NRG3: variants seen among roughly 807,000 people sequenced by gnomAD.
NRG3 encodes neuregulin 3.
A neutral mutation model predicts 66.9 loss-of-function variants in NRG3; 31 were observed. The observed-to-expected ratio is 0.46, with a 90% CI of 0.35 to 0.63. The LOEUF (loss-of-function observed/expected upper bound fraction) is 0.63, where lower values mean the gene tolerates loss of function less well. Ranked by LOEUF, NRG3 falls within the 20% of genes least tolerant of loss-of-function variation. The probability of loss-of-function intolerance (pLI) is 0.00; values close to 1 mark genes in which losing one functional copy is unlikely to be tolerated. For synonymous variants in NRG3, 393 were observed against 359.4 expected, an observed-to-expected ratio of 1.09 and a Z score of -1.06; for missense variants, 910 against 878.9, an observed-to-expected ratio of 1.04 and a Z score of -0.45.
chr10:82,468,764 T>A (rs999002826), intron 2 of NRG3, among the ~76,000 whole-genome samples: 1 of 152,128 alleles, frequency 6.6e-6, no homozygotes, highest in Non-Finnish European at 1.5e-5. Context: ...TTCAGTGTGA[T>A]TTAAAGAAGT....
intron 4 of NRG3, among the ~76,000 whole-genome samples, chr10:82,874,160 A>C (rs1377814527): frequency 6.6e-6 from 1 of 152,106 alleles, no homozygotes; most frequent in Admixed American, 6.6e-5. Flanking sequence ...CTCTTGTGTA[A>C]AGAAAATAGG....
At chr10:82,622,517 T>TC (rs1271227115) in intron 2 of NRG3, among the ~76,000 whole-genome samples, 2 of 152,180 alleles carry the variant, frequency 1.3e-5, no homozygotes, top group Admixed American at 1.3e-4. Flanking sequence ...GCCTCTAACT[T>TC]ATGACGGTTT....
At chr10:82,262,699 G>A (rs2078093189) in intron 1 of NRG3, among the ~76,000 whole-genome samples, 1 of 152,160 alleles carries the variant, frequency 6.6e-6, no homozygotes. Flanking sequence ...GGTCATAGGT[G>A]GGGATATTTT....
chr10:82,444,099 T>A lies in NRG3; in HGVS notation c.953+85231T>A, dbSNP rs181464118. On this transcript the variant is annotated intron_variant, in intron 2 of 8. Coordinates refer to ENST00000372141, the MANE Select transcript of NRG3 (RefSeq NM_001010848.4). Reference sequence around the variant, plus strand: ...TGTTCATTCTCTTAAAAAAAATTTGTTGTTTGTTTGTTTTTGTTTTTGAGA... The same window carrying A: ...TGTTCATTCTCTTAAAAAAAATTTGATGTTTGTTTGTTTTTGTTTTTGAGA... Among the ~76,000 whole-genome samples the A allele has an allele frequency of 3.9e-5, 6 of 152,264 alleles. No homozygotes were observed. In the East Asian group the frequency reaches 1.2e-3, roughly 29 times the overall value.
intron 1 of NRG3, among the ~76,000 whole-genome samples, chr10:82,260,831 C>T (rs749707412): frequency 1.3e-5 from 2 of 152,110 alleles, no homozygotes; most frequent in Non-Finnish European, 2.9e-5. Flanking sequence ...GTTGTACAGC[C>T]TTCATGTGGT....
chr10:82,813,211 C>CTGTTTCTCTT (rs368490850), intron 3 of NRG3, among the ~76,000 whole-genome samples: 1 of 112,156 alleles, frequency 8.9e-6, no homozygotes, highest in African/African-American at 3.4e-5. Context: ...CTCTGTTTCT[C>CTGTTTCTCTT]TTTTTTTTTT....
intron 1 of NRG3, among the ~76,000 whole-genome samples, chr10:82,153,442 T>TG (rs1554835814): frequency 1.3e-5 from 2 of 150,168 alleles, no homozygotes; most frequent in East Asian, 1.9e-4. Flanking sequence ...TGTGTGTGTG[T>TG]TTTCTTTATC....
chr10:81,920,372 C>T (rs1434908260), intron 1 of NRG3, among the ~76,000 whole-genome samples: 3 of 152,118 alleles, frequency 2.0e-5, no homozygotes, highest in African/African-American at 4.8e-5. Context: ...GCATCGATTC[C>T]TGGTGCTTTG....
rs1258891931 is a variant in NRG3 at position 82,973,698 on chromosome 10, T to C, written c.1285-90T>C. 5 of 1,434,834 alleles carry C rather than the reference T, an allele frequency of 3.5e-6. No individual in the cohort carries two copies. The African/African-American group carries it at 5.6e-5, about 16-fold the overall frequency. 88.9% of individuals were successfully genotyped at this position (1,434,834 alleles called of 1,614,324 possible). ...GTCAGGTGACCAGGAGGAACTGGCA[T>C]TCCAGTAACTTCTCAATGCTTAGCT... is the stretch of plus-strand genomic sequence containing the variant. On this transcript the variant is annotated intron_variant, in intron 6 of 8. Coordinates refer to ENST00000372141, the MANE Select transcript of NRG3 (RefSeq NM_001010848.4).
At chr10:82,753,535 C>T (rs779327543) in intron 3 of NRG3, among the ~76,000 whole-genome samples, 7 of 151,930 alleles carry the variant, frequency 4.6e-5, no homozygotes, top group Non-Finnish European at 1.0e-4. Context: ...CTCCCTCCCT[C>T]CTTCTTTCTT....
rs986595911 is a variant in NRG3, at chr10:82,529,126, C to G, written c.953+170258C>G. Reference sequence around the variant, plus strand: ...CACATCTTTCTTTTCATGATTCTTTCCAAATGCATCATAGCTAAATCTCTC... The same window carrying G: ...CACATCTTTCTTTTCATGATTCTTTGCAAATGCATCATAGCTAAATCTCTC... On this transcript the variant is annotated intron_variant, in intron 2 of 8. Coordinates refer to ENST00000372141, the MANE Select transcript of NRG3 (RefSeq NM_001010848.4). Among the ~76,000 whole-genome samples, 4 of 152,308 alleles carry G rather than the reference C, an allele frequency of 2.6e-5. No individual in the cohort carries two copies. The East Asian group carries it at 5.8e-4, about 22-fold the overall frequency.
At chr10:82,500,352 T>C (rs904996267) in intron 2 of NRG3, among the ~76,000 whole-genome samples, 1 of 152,196 alleles carries the variant, frequency 6.6e-6, no homozygotes, top group Non-Finnish European at 1.5e-5. Context: ...AATTAGCCTC[T>C]GAGCTACTTT....
intron 3 of NRG3, among the ~76,000 whole-genome samples, chr10:82,770,146 T>C (rs2059661697): frequency 6.6e-6 from 1 of 152,144 alleles, no homozygotes; most frequent in Admixed American, 6.6e-5. Flanking sequence ...TACTCTCCAT[T>C]CTGTTTTTTA....
intron 2 of NRG3, among the ~76,000 whole-genome samples, chr10:82,560,304 T>A (rs2044951285): frequency 6.6e-6 from 1 of 151,664 alleles, no homozygotes. Flanking sequence ...TATTATTTTT[T>A]ATTGTATCCA....
chr10:82,861,135 T>A (rs908507819), intron 3 of NRG3, among the ~76,000 whole-genome samples: 1 of 152,024 alleles, frequency 6.6e-6, no homozygotes, highest in African/African-American at 2.4e-5. Context: ...TGGAAGCATG[T>A]ATGTGTGTGT....
chr10:81,878,863 A>G (rs1841923639), intron 1 of NRG3, among the ~76,000 whole-genome samples: 1 of 152,178 alleles, frequency 6.6e-6, no homozygotes. Context: ...TTCATCTTAG[A>G]TCAATCAGAA....
At chr10:81,952,786 AT>A (rs112514864) in intron 1 of NRG3, among the ~76,000 whole-genome samples, 8,949 of 151,608 alleles carry the variant, frequency 0.059, 282 homozygotes, top group Admixed American at 0.067. Context: ...TTAAATTTTT[AT>A]TTTTGTAGAG....
intron 1 of NRG3, among the ~76,000 whole-genome samples, chr10:81,935,876 AACACACACACACACAC>A (rs55670416): frequency 2.8e-4 from 37 of 132,516 alleles, no homozygotes; most frequent in Admixed American, 9.2e-4. Context: ...TCAGTGCCTG[AACACACACACACACAC>A]ACACACACAC....
intron 1 of NRG3, among the ~76,000 whole-genome samples, chr10:82,115,868 T>C (rs1180961906): frequency 2.0e-5 from 3 of 152,134 alleles, no homozygotes; most frequent in Non-Finnish European, 2.9e-5. Flanking sequence ...TTAGGGGATG[T>C]TCTGCCTCAT....
Sources: allele counts gnomAD v4.1 joint callset (sites outside exome capture counted in the v4.1 genomes callset), GRCh38; gene constraint gnomAD v4.1.1; transcripts MANE v1.5; gene names NCBI Gene and HGNC (gene_info 2026-07-23, HGNC 2026-07-21).